Variants in C10orf90 observed in about 807,000 individuals in gnomAD.
C10orf90 encodes chromosome 10 open reading frame 90, also known as (E2-independent) E3 ubiquitin-conjugating enzyme FATS.
A neutral mutation model predicts 62.5 loss-of-function variants in C10orf90; 56 were observed. The observed-to-expected ratio is 0.90, with a 90% confidence interval of 0.72 to 1.12. The LOEUF (loss-of-function observed/expected upper bound fraction) is 1.12, where lower values mean the gene tolerates loss of function less well. C10orf90 is among the 50% of genes most tolerant of loss of function. The probability of loss-of-function intolerance (pLI) is 0.00; values close to 1 mark genes in which losing one functional copy is unlikely to be tolerated. For missense variants in C10orf90, 970 were observed against 880.4 expected (o/e 1.10, Z -1.29); for synonymous variants, 386 against 340.4 (o/e 1.13, Z -1.47).
chr10:126,601,476 T>A (rs952591794), intron 2 of C10orf90, among the ~76,000 whole-genome samples: 6 of 152,202 alleles, frequency 3.9e-5, no homozygotes, highest in African/African-American at 9.6e-5. Context: ...TTTATTTTTT[T>A]AAAAAGGTGA....
chr10:126,580,900 CA>C (rs1340852791), intron 2 of C10orf90, among the ~76,000 whole-genome samples: 1 of 151,710 alleles, frequency 6.6e-6, no homozygotes, highest in African/African-American at 2.4e-5. Context: ...TCCCTCTACC[CA>C]TAAGTAGCTA....
At chr10:126,602,950 G>A (rs768179134) in intron 2 of C10orf90, among the ~76,000 whole-genome samples, 30 of 151,950 alleles carry the variant, frequency 2.0e-4, no homozygotes, top group Non-Finnish European at 3.7e-4. Context: ...CGGAGAGAGG[G>A]ACAGAGTTGG....
intron 2 of C10orf90, among the ~76,000 whole-genome samples, chr10:126,645,588 T>TA (rs779008025): frequency 0.021 from 1,927 of 93,152 alleles, 34 homozygotes; most frequent in African/African-American, 0.063. Flanking sequence ...AGACCCTGCC[T>TA]AAAAAAAAAA....
At chr10:126,478,356 G>A (rs1408304735) in intron 4 of C10orf90, among the ~76,000 whole-genome samples, 1 of 152,208 alleles carries the variant, frequency 6.6e-6, no homozygotes, top group Non-Finnish European at 1.5e-5. Flanking sequence ...TGCTCCAGGA[G>A]GGAGAAATGG....
At chr10:126,567,912 A>T (rs1420724032) in intron 2 of C10orf90, among the ~76,000 whole-genome samples, 1 of 152,096 alleles carries the variant, frequency 6.6e-6, no homozygotes, top group Non-Finnish European at 1.5e-5. Context: ...TTGTATGCTG[A>T]TGGAAATAAT....
chr10:126,430,677 A>G (rs994329318), intron 7 of C10orf90, among the ~76,000 whole-genome samples: 3 of 152,240 alleles, frequency 2.0e-5, no homozygotes, highest in Non-Finnish European at 1.5e-5. Context: ...CGTGCTTCCT[A>G]AAACACCTGG....
At chr10:126,559,828 T>C (rs1864861622) in intron 2 of C10orf90, among the ~76,000 whole-genome samples, 1 of 152,204 alleles carries the variant, frequency 6.6e-6, no homozygotes, top group African/African-American at 2.4e-5. Context: ...GTCAGGAATA[T>C]TTTTTCCTAG....
chr10:126,629,954 C>T (rs531106918), intron 2 of C10orf90, among the ~76,000 whole-genome samples: 1 of 152,354 alleles, frequency 6.6e-6, no homozygotes, highest in South Asian at 2.1e-4. Context: ...CTCCCTTTTA[C>T]ATTCACCAAC....
At chr10:126,454,352 C>T (rs1341434663) in intron 7 of C10orf90, among the ~76,000 whole-genome samples, 1 of 151,938 alleles carries the variant, frequency 6.6e-6, no homozygotes, top group Non-Finnish European at 1.5e-5. Context: ...CTATGACCTA[C>T]AAATGCTGAA....
At chr10:126,600,920 C>T (rs1209887577) in intron 2 of C10orf90, among the ~76,000 whole-genome samples, 1 of 152,084 alleles carries the variant, frequency 6.6e-6, no homozygotes, top group African/African-American at 2.4e-5. Context: ...TTACAGTAGC[C>T]AAGATATGGA....
intron 2 of C10orf90, among the ~76,000 whole-genome samples, chr10:126,569,368 G>A (rs1844459027): frequency 6.6e-6 from 1 of 152,120 alleles, no homozygotes; most frequent in African/African-American, 2.4e-5. Context: ...TGTCTTTATG[G>A]GGAGGAGCAT....
chr10:126,608,336 T>A (rs571503908), intron 2 of C10orf90, among the ~76,000 whole-genome samples: 36 of 152,258 alleles, frequency 2.4e-4, no homozygotes, highest in Middle Eastern at 3.4e-3. Context: ...GGTCTCAAAC[T>A]CCTGGACTCA....
At chr10:126,487,181 A>G (rs1375894976) in intron 4 of C10orf90, among the ~76,000 whole-genome samples, 1 of 150,944 alleles carries the variant, frequency 6.6e-6, no homozygotes, top group Non-Finnish European at 1.5e-5. Flanking sequence ...AAGAAAGAAC[A>G]AAAGAACGAC....
chr10:126,551,456 A>G (rs1215009401), intron 2 of C10orf90, among the ~76,000 whole-genome samples: 1 of 152,232 alleles, frequency 6.6e-6, no homozygotes, highest in Non-Finnish European at 1.5e-5. Flanking sequence ...TTCATGCAGT[A>G]GATATCTCAG....
intron 2 of C10orf90, among the ~76,000 whole-genome samples, chr10:126,564,717 G>A (rs1439803614): frequency 7.0e-6 from 1 of 142,774 alleles, no homozygotes; most frequent in Admixed American, 7.7e-5. Flanking sequence ...TGTGTGGCCT[G>A]ACTACTGAGT....
At chr10:126,613,117 A>T (rs746564181) in intron 2 of C10orf90, among the ~76,000 whole-genome samples, 6 of 152,200 alleles carry the variant, frequency 3.9e-5, no homozygotes, top group Non-Finnish European at 8.8e-5. Context: ...TTTGTATATG[A>T]TATTAAAGGG....
intron 1 of C10orf90, among the ~76,000 whole-genome samples, chr10:126,659,137 T>A (rs1374317494): frequency 6.6e-6 from 1 of 152,182 alleles, no homozygotes; most frequent in African/African-American, 2.4e-5. Flanking sequence ...CTTCTGAGCC[T>A]CTCTGCATAT....
intron 2 of C10orf90, among the ~76,000 whole-genome samples, chr10:126,546,928 C>T (rs1864505724): frequency 6.6e-6 from 1 of 152,046 alleles, no homozygotes. Context: ...AGTTCCAGTC[C>T]AGCTTGCCCA....
intron 1 of C10orf90, among the ~76,000 whole-genome samples, chr10:126,669,330 C>T (rs1396850953): frequency 6.6e-6 from 1 of 152,206 alleles, no homozygotes. Context: ...AAACCTGTTC[C>T]TTCCACACTG....
Sources: allele counts gnomAD v4.1 joint callset (sites outside exome capture counted in the v4.1 genomes callset), GRCh38; gene constraint gnomAD v4.1.1; transcripts MANE v1.5; gene names NCBI Gene and HGNC (gene_info 2026-07-23, HGNC 2026-07-21).